Variants in PCOLCE2 observed in about 807,000 individuals in gnomAD.
The protein encoded by PCOLCE2 is procollagen C-endopeptidase enhancer 2.
In PCOLCE2, 42 loss-of-function variants were observed where a neutral mutation model predicts 47.0. That is an observed-to-expected ratio of 0.89 (90% confidence interval 0.70 to 1.16). The LOEUF is 1.16. PCOLCE2 is among the 50% of genes most tolerant of loss of function. The pLI, the probability that PCOLCE2 is intolerant of heterozygous loss-of-function variation, is 0.00. For missense variants in PCOLCE2, 500 were observed against 526.1 expected (o/e 0.95, Z 0.49); for synonymous variants, 169 against 191.7 (o/e 0.88, Z 0.98).
chr3:142,819,089 G>A (rs1936984632), intron 8 of PCOLCE2, among the ~76,000 whole-genome samples: 2 of 152,168 alleles, frequency 1.3e-5, no homozygotes, highest in South Asian at 4.1e-4. Context: ...TCTCAAACAT[G>A]TATGCTACGC....
chr3:142,880,382 A>T (rs2108211893), intron 2 of PCOLCE2, among the ~76,000 whole-genome samples: 1 of 152,234 alleles, frequency 6.6e-6, no homozygotes, highest in African/African-American at 2.4e-5. Context: ...ATACCAGGCA[A>T]ATAATAGTTA....
At chr3:142,869,805 A>G (rs1308876971) in intron 2 of PCOLCE2, among the ~76,000 whole-genome samples, 1 of 152,196 alleles carries the variant, frequency 6.6e-6, no homozygotes, top group Non-Finnish European at 1.5e-5. Context: ...TACACCTTAC[A>G]TGTAATGATT....
intron 2 of PCOLCE2, among the ~76,000 whole-genome samples, chr3:142,878,859 A>C (rs1933551541): frequency 6.6e-6 from 1 of 152,046 alleles, no homozygotes; most frequent in African/African-American, 2.4e-5. Context: ...TCTCAAAAAA[A>C]AAAAACCCGA....
chr3:142,881,104 T>C (rs1156486573), intron 2 of PCOLCE2, among the ~76,000 whole-genome samples: 1 of 152,224 alleles, frequency 6.6e-6, no homozygotes, highest in Non-Finnish European at 1.5e-5. Flanking sequence ...ACAGAAATTA[T>C]GCCTTGTCTT....
intron 2 of PCOLCE2, among the ~76,000 whole-genome samples, chr3:142,875,717 T>G (rs1933483938): frequency 6.6e-6 from 1 of 151,976 alleles, no homozygotes; most frequent in Non-Finnish European, 1.5e-5. Context: ...GAAAACAGTT[T>G]CCTCCCAACT....
chr3:142,864,865 A>C (rs932935104), intron 2 of PCOLCE2, among the ~76,000 whole-genome samples: 5 of 152,254 alleles, frequency 3.3e-5, no homozygotes, highest in African/African-American at 4.8e-5. Context: ...ATAATATTCC[A>C]TTGTATGAAT....
At chr3:142,848,592 A>C in intron 2 of PCOLCE2, 120 bp from the exon 3 acceptor site, 1 of 867,902 alleles carries the variant, frequency 1.2e-6, no homozygotes, top group Non-Finnish European at 1.7e-6. Flanking sequence ...TTCCTCTCTC[A>C]TATCTGAACT....
chr3:142,825,591 G>A (rs1164413071), intron 6 of PCOLCE2, among the ~76,000 whole-genome samples: 1 of 152,080 alleles, frequency 6.6e-6, no homozygotes, highest in East Asian at 1.9e-4. Flanking sequence ...TGGCAACCAG[G>A]ACAGCGTTCT....
At chr3:142,865,169 G>GT (rs990068657) in intron 2 of PCOLCE2, among the ~76,000 whole-genome samples, 2 of 136,380 alleles carry the variant, frequency 1.5e-5, no homozygotes, top group Non-Finnish European at 1.6e-5. Context: ...TTTTTTTTTT[G>GT]TTAAAGTCAT....
At position 142,852,465 on chromosome 3, in the gene PCOLCE2, C is replaced by T. The variant is rs1005019424; in HGVS notation, c.193-3993G>A. On this transcript the variant is annotated intron_variant, in intron 2 of 8. Transcript: ENST00000295992. ...TAATATAACACCTGGATACCAACCA[C>T]GAAATTGACTTTTGTTAACATTTTG... Among the ~76,000 whole-genome samples the T allele has an allele frequency of 1.1e-4, 16 of 152,054 alleles. No individual in the cohort carries two copies. In the East Asian group the frequency reaches 1.9e-3, roughly 18 times the overall value.
intron 2 of PCOLCE2, among the ~76,000 whole-genome samples, chr3:142,886,238 CAAAG>C (rs1933716145): frequency 6.6e-6 from 1 of 152,218 alleles, no homozygotes; most frequent in Non-Finnish European, 1.5e-5. Flanking sequence ...CAACCCCAGT[CAAAG>C]TGTAAAGTCA....
chr3:142,818,467 T>C lies in PCOLCE2; in HGVS notation c.1118-2A>G, dbSNP rs890069829. The stretch of plus-strand genomic sequence containing the variant: ...GGCCCATAATAATGTAATTTAGACC[T>C]AAAGAAAGAGAATACAGAAATTAAT... On this transcript the variant is annotated splice_acceptor_variant, in intron 8 of 8. Transcript: ENST00000295992. LOFTEE classifies it high-confidence loss of function. 6.2e-7 allele frequency: 1 copy of C among 1,607,916 alleles called. No individual in the cohort carries two copies. The highest frequency in any genetic ancestry group is 8.5e-7 in the Non-Finnish European group (1 of 1,174,456).
At position 142,843,225 on chromosome 3, in the gene PCOLCE2, C is replaced by T. The variant is rs751963188; in HGVS notation, c.449-177G>A. On this transcript the variant is annotated intron_variant, in intron 3 of 8. Coordinates refer to ENST00000295992, the MANE Select transcript of PCOLCE2 (RefSeq NM_013363.4). The stretch of plus-strand genomic sequence containing the variant: ...TACATACATAACCCCCCAACACACA[C>T]AATGAATGATCTTTGTTACCTGACA... 10 of 690,334 alleles carry T rather than the reference C, an allele frequency of 1.4e-5. No individual in the cohort carries two copies. In the Admixed American group the frequency reaches 1.8e-4, roughly 13 times the overall value. 42.8% of individuals were successfully genotyped at this position (690,334 alleles called of 1,614,324 possible).
In PCOLCE2 at chr3:142,888,926, C is replaced by T. The variant is rs557851786; in HGVS notation, c.-30G>A. ...GCGTAGACGCTCGGGGTTTGCACCC[C>T]ACGGCGCGCGCGCCGGCACACACGC... On this transcript the variant is annotated 5_prime_UTR_variant, in exon 1 of 9. Transcript: ENST00000295992. The T allele has an allele frequency of 1.4e-5, 18 of 1,289,274 alleles. No homozygotes were observed. The East Asian group carries it at 5.5e-4, about 40-fold the overall frequency. The allele number at this position is 1,289,274 out of a possible 1,614,324, so 79.9% of individuals were successfully genotyped here.
intron 2 of PCOLCE2, among the ~76,000 whole-genome samples, chr3:142,871,747 A>G (rs958414127): frequency 1.3e-5 from 2 of 152,230 alleles, no homozygotes; most frequent in Admixed American, 1.3e-4. Flanking sequence ...CTAATCCCAC[A>G]ATCACATAAA....
rs377468452 is a variant in PCOLCE2, at chr3:142,820,996, G to A, written c.999C>T (p.His333=). The A allele has an allele frequency of 9.3e-6, 15 of 1,613,544 alleles. No individual in the cohort carries two copies. Among genetic ancestry groups the A allele is most frequent in the African/African-American group, 4.0e-5 (3 of 74,906 alleles). The change falls in exon 8 of 9, where the codon CAC becomes CAT. Residue 333 remains histidine, a synonymous_variant. Coordinates refer to ENST00000295992, the MANE Select transcript of PCOLCE2 (RefSeq NM_013363.4). ...AGATGTTGATGATCGAGACTGTGGC[G>A]TGCAAACTCCCATCGCGAGTGATGG... ...ITTITRDGSL[H]ATVSIINIYK... is the part of the protein sequence containing the mutation.
At chr3:142,833,166 T>C (rs1166297953) in intron 5 of PCOLCE2, among the ~76,000 whole-genome samples, 2 of 152,156 alleles carry the variant, frequency 1.3e-5, no homozygotes, top group African/African-American at 4.8e-5. Flanking sequence ...AATGAAAGGG[T>C]ACAGTGTGCA....
chr3:142,878,457 G>A (rs1442415476), intron 2 of PCOLCE2, among the ~76,000 whole-genome samples: 3 of 152,154 alleles, frequency 2.0e-5, no homozygotes, highest in Non-Finnish European at 4.4e-5. Flanking sequence ...CTCATAAGGT[G>A]CAACTGTCTA....
rs146269565 is a variant in PCOLCE2, at chr3:142,845,804, G to A, written c.448+2413C>T. 1.2e-3 allele frequency among the ~76,000 whole-genome samples: 190 copies of A among 152,224 alleles called. 1 individual carries two copies. In the East Asian group the frequency reaches 0.025, roughly 20 times the overall value. ...AGCCTGGCCAACATGGTGAAACACC[G>A]TCTCTACTAAAAATAGAAAAATTAG... On this transcript the variant is annotated intron_variant, in intron 3 of 8. Coordinates refer to ENST00000295992, the MANE Select transcript of PCOLCE2 (RefSeq NM_013363.4).
Sources: allele counts gnomAD v4.1 joint callset (sites outside exome capture counted in the v4.1 genomes callset), GRCh38; gene constraint gnomAD v4.1.1; transcripts MANE v1.5; gene names NCBI Gene and HGNC (gene_info 2026-07-23, HGNC 2026-07-21).